Variants in STARD13 observed in about 807,000 individuals in gnomAD.
STARD13 encodes StAR related lipid transfer domain containing 13, also known as stAR-related lipid transfer protein 13.
Under a neutral mutation model 106.4 loss-of-function variants are expected in STARD13, and 62 were observed. The observed-to-expected ratio is 0.58, with a 90% CI of 0.48 to 0.72. The LOEUF is 0.72. Among genes scored for constraint, STARD13 ranks in the 30% least tolerant of loss-of-function variants. The pLI, the probability that STARD13 is intolerant of heterozygous loss-of-function variation, is 0.00. For synonymous variants in STARD13, 565 were observed against 553.0 expected, an observed-to-expected ratio of 1.02 and a Z score of -0.31; for missense variants, 1,387 against 1,424.0, an observed-to-expected ratio of 0.97 and a Z score of 0.42.
the STARD13 span, among the ~76,000 whole-genome samples, chr13:33,581,003 A>G: frequency 2.0e-5 from 3 of 152,190 alleles, no homozygotes; most frequent in Non-Finnish European, 2.9e-5. Flanking sequence ...CTTCTGTTTA[A>G]CTCAGTATTT....
intron 1 of STARD13, chr13:33,280,603 T>A (rs900996220): frequency 3.3e-5 from 5 of 152,216 alleles, no homozygotes; most frequent in Non-Finnish European, 5.9e-5. Flanking sequence ...AGTTTCTGTA[T>A]AATTATAGTT....
chr13:33,289,804 G>C (rs564618692), upstream of STARD13, among the ~76,000 whole-genome samples: 1 of 152,162 alleles, frequency 6.6e-6, no homozygotes, highest in East Asian at 1.9e-4. Context: ...GAAGCCACAA[G>C]CCCTCTTAGG....
intron 3 of STARD13, among the ~76,000 whole-genome samples, chr13:33,164,967 C>T (rs1883151060): frequency 6.6e-6 from 1 of 152,188 alleles, no homozygotes; most frequent in African/African-American, 2.4e-5. Flanking sequence ...CTTCTTCCCT[C>T]TACTGACCCA....
At chr13:33,306,385 T>C (rs764948684) in intron 1 of STARD13, among the ~76,000 whole-genome samples, 7 of 151,828 alleles carry the variant, frequency 4.6e-5, no homozygotes, top group African/African-American at 1.7e-4. Flanking sequence ...TAGAAGAAAA[T>C]CTAGGCAATA....
intron 1 of STARD13, among the ~76,000 whole-genome samples, chr13:33,266,297 G>A (rs1339761881): frequency 1.3e-5 from 2 of 152,214 alleles, no homozygotes; most frequent in Non-Finnish European, 2.9e-5. Flanking sequence ...TATTGATCAT[G>A]TTTAGGCAGG....
intron 12 of STARD13, among the ~76,000 whole-genome samples, 169 bp downstream of exon 12, chr13:33,109,704 G>A (rs2138063225): frequency 1.3e-5 from 2 of 152,350 alleles, no homozygotes; most frequent in South Asian, 4.1e-4. Flanking sequence ...GACACAGGAA[G>A]TCGGGCATCG....
chr13:33,470,394 G>A, the STARD13 span, among the ~76,000 whole-genome samples: 3 of 152,198 alleles, frequency 2.0e-5, no homozygotes, highest in Non-Finnish European at 4.4e-5. Flanking sequence ...AAGTGTGCAT[G>A]TGTCTTTATA....
the STARD13 span, among the ~76,000 whole-genome samples, chr13:33,605,943 A>G: frequency 6.6e-6 from 1 of 152,104 alleles, no homozygotes; most frequent in Non-Finnish European, 1.5e-5. Flanking sequence ...TTGAGCCCCA[A>G]TTTCTCTACA....
chr13:33,538,275 T>C, the STARD13 span, among the ~76,000 whole-genome samples: 1 of 152,130 alleles, frequency 6.6e-6, no homozygotes, highest in Non-Finnish European at 1.5e-5. Context: ...ATTCATCAAT[T>C]TGGAAGTTGT....
the STARD13 span, among the ~76,000 whole-genome samples, chr13:33,619,916 T>C: frequency 6.6e-6 from 1 of 152,150 alleles, no homozygotes; most frequent in East Asian, 1.9e-4. Context: ...ATAAAAAAAT[T>C]AGCTGGGCGT....
chr13:33,418,768 T>C, the STARD13 span, among the ~76,000 whole-genome samples: 1 of 152,154 alleles, frequency 6.6e-6, no homozygotes, highest in Non-Finnish European at 1.5e-5. Flanking sequence ...CAATATTTGC[T>C]CTTCTGCAAT....
intron 3 of STARD13, among the ~76,000 whole-genome samples, chr13:33,149,996 T>A (rs936594956): frequency 6.6e-6 from 1 of 152,214 alleles, no homozygotes; most frequent in Non-Finnish European, 1.5e-5. Flanking sequence ...CCTGCATGGA[T>A]GAAAATTTCA....
At chr13:33,482,252 A>G in the STARD13 span, among the ~76,000 whole-genome samples, 1 of 152,180 alleles carries the variant, frequency 6.6e-6, no homozygotes, top group Non-Finnish European at 1.5e-5. Flanking sequence ...TGGCAGCTAG[A>G]TAATGTGTAC....
At chr13:33,662,098 T>TA in the STARD13 span, among the ~76,000 whole-genome samples, 1 of 151,938 alleles carries the variant, frequency 6.6e-6, no homozygotes, top group East Asian at 1.9e-4. Context: ...CCGTCTCTAC[T>TA]AAAAATACAA....
chr13:33,615,325 A>T, the STARD13 span, among the ~76,000 whole-genome samples: 7 of 152,280 alleles, frequency 4.6e-5, no homozygotes, highest in Admixed American at 6.5e-5. Flanking sequence ...TAAGTAGCAG[A>T]GGTACAGGAG....
At chr13:33,226,435 C>CTT (rs71196514) in intron 1 of STARD13, among the ~76,000 whole-genome samples, 2,571 of 130,194 alleles carry the variant, frequency 0.02, 116 homozygotes, top group African/African-American at 0.068. Context: ...AAATTTAGTT[C>CTT]TTTTTTTTTT....
At chr13:33,287,626 T>A (rs1892123792), upstream of STARD13, among the ~76,000 whole-genome samples, 1 of 152,076 alleles carries the variant, frequency 6.6e-6, no homozygotes, top group Non-Finnish European at 1.5e-5. Flanking sequence ...TCGAGCACCA[T>A]ATTGCAAAGT....
intron 4 of STARD13, chr13:33,138,982 C>T: frequency 2.8e-6 from 1 of 354,392 alleles, no homozygotes; most frequent in Admixed American, 3.5e-5. Flanking sequence ...CATGAAAAAG[C>T]CTTCATCACC....
chr13:33,451,723 G>A, the STARD13 span, among the ~76,000 whole-genome samples: 3 of 152,156 alleles, frequency 2.0e-5, no homozygotes, highest in Non-Finnish European at 4.4e-5. Flanking sequence ...TGGTTATACC[G>A]AGAATAAGAG....
Sources: allele counts gnomAD v4.1 joint callset (sites outside exome capture counted in the v4.1 genomes callset), GRCh38; gene constraint gnomAD v4.1.1; transcripts MANE v1.5; gene names NCBI Gene and HGNC (gene_info 2026-07-23, HGNC 2026-07-21).